The following EFCAB6 variants were observed in gnomAD, a reference collection of about 807,000 sequenced individuals.
EFCAB6 encodes the protein EF-hand calcium binding domain 6, also known as EF-hand calcium-binding domain-containing protein 6.
EFCAB6 carries 156 observed loss-of-function variants against 169.8 expected under a neutral mutation model. The ratio of observed to expected loss-of-function variants is 0.92; its 90% CI spans 0.81 to 1.05. EFCAB6 has a LOEUF of 1.05. EFCAB6 is among the 50% of genes least tolerant of loss of function. The pLI is 0.00. For synonymous variants in EFCAB6, 698 were observed against 676.4 expected, an observed-to-expected ratio of 1.03 and a Z score of -0.50; for missense variants, 1,800 against 1,829.1, an observed-to-expected ratio of 0.98 and a Z score of 0.29.
At chr22:43,538,232 C>T (rs1039853789) in intron 28 of EFCAB6, among the ~76,000 whole-genome samples, 1 of 152,148 alleles carries the variant, frequency 6.6e-6, no homozygotes. Context: ...TCTCCCTCAC[C>T]CTCTCCATCC....
chr22:43,725,099 A>G (rs2059675215), intron 8 of EFCAB6, among the ~76,000 whole-genome samples: 1 of 150,152 alleles, frequency 6.7e-6, no homozygotes, highest in East Asian at 2.0e-4. Flanking sequence ...AAAGCATCAC[A>G]GGGCAAGAGA....
intron 3 of EFCAB6, among the ~76,000 whole-genome samples, chr22:43,780,352 T>A (rs1009222931): frequency 2.0e-5 from 3 of 151,846 alleles, no homozygotes; most frequent in East Asian, 3.9e-4. Context: ...CCAGGTGTGG[T>A]GGTGCATGCC....
At chr22:43,733,225 A>G (rs2147639266) in intron 7 of EFCAB6, among the ~76,000 whole-genome samples, 1 of 152,332 alleles carries the variant, frequency 6.6e-6, no homozygotes, top group Non-Finnish European at 1.5e-5. Context: ...TTGAGAAACC[A>G]GAAGACCCAA....
chr22:43,692,459 G>A (rs990476143), intron 10 of EFCAB6, among the ~76,000 whole-genome samples: 1 of 152,018 alleles, frequency 6.6e-6, no homozygotes, highest in African/African-American at 2.4e-5. Context: ...TAAAAGCAAT[G>A]ATTACAACTA....
intron 8 of EFCAB6, among the ~76,000 whole-genome samples, chr22:43,721,665 T>C (rs1209470092): frequency 6.6e-6 from 1 of 152,110 alleles, no homozygotes; most frequent in Admixed American, 6.6e-5. Flanking sequence ...ATTAAATAAA[T>C]AGTATTGGGA....
chr22:43,739,897 G>T lies in EFCAB6; in HGVS notation c.508-3904C>A, dbSNP rs147812675. ...AGTTTATGTTTAAATGTGAGTCTGA[G>T]CATGCCCTCCGTGGCCAAAACCCCC... On this transcript the variant is annotated intron_variant, in intron 6 of 31. Coordinates refer to ENST00000262726, the MANE Select transcript of EFCAB6 (RefSeq NM_022785.4). 2.9e-3 allele frequency among the ~76,000 whole-genome samples: 436 copies of T among 152,132 alleles called. 2 individuals are homozygous for T. Among genetic ancestry groups the T allele is most frequent in the Non-Finnish European group, 4.8e-3 (328 of 68,012 alleles).
rs772813891 is a variant in EFCAB6, at chr22:43,765,384, T to C, written c.361A>G (p.Ser121Gly). The C allele has an allele frequency of 1.9e-6, 3 of 1,611,362 alleles. No individual in the cohort carries two copies. The South Asian group carries it at 3.3e-5, about 18-fold the overall frequency. The change falls in exon 5 of 32, where the codon AGC becomes GGC. Residue 121 changes from serine (S) to glycine (G), a missense_variant. Transcript: ENST00000262726. ...AGGTACGGTACAGTACCAGAGGTGC[T>C]AAGGGGGATCTACAGTCAAGGGAGA... ...FQDVLAQIPL[S>G]TSGTVPYLAF...
In EFCAB6 at chr22:43,683,840, A is replaced by G; in HGVS notation, c.1158T>C (p.Asn386=). 6.2e-7 allele frequency: 1 copy of G among 1,611,034 alleles called. No homozygotes were observed. Among genetic ancestry groups the G allele is most frequent in the Non-Finnish European group, 8.5e-7 (1 of 1,177,278 alleles). ...TGATGATGTTTTCCTTGTGAGATTCATTTCTAGAGTTGATGCTACAAGAGG... is the reference window on the plus strand; with the variant it reads ...TGATGATGTTTTCCTTGTGAGATTCGTTTCTAGAGTTGATGCTACAAGAGG... The part of the protein sequence containing the change: ...LTKRNSINSR[N]ESHKENIITK... Residue 386 remains asparagine (N), a synonymous_variant, in exon 12 of 32, where the codon AAT becomes AAC. Coordinates refer to ENST00000262726, the MANE Select transcript of EFCAB6 (RefSeq NM_022785.4).
In EFCAB6 at chr22:43,688,071, A is replaced by G. The variant is rs111716454; in HGVS notation, c.1032-490T>C. Among the ~76,000 whole-genome samples, 149 of 152,290 alleles carry G rather than the reference A, an allele frequency of 9.8e-4. 1 individual carries two copies. The highest frequency in any genetic ancestry group is 2.9e-3 in the African/African-American group (120 of 41,572). ...AAGTGGGCCCACTCTAATCCCATAC[A>G]TTCTTAAAATTGGAGAGCTTTTCCT... On this transcript the variant is annotated intron_variant, in intron 10 of 31. Coordinates refer to ENST00000262726, the MANE Select transcript of EFCAB6 (RefSeq NM_022785.4).
At chr22:43,725,431 G>A in intron 8 of EFCAB6, among the ~76,000 whole-genome samples, 1 of 152,142 alleles carries the variant, frequency 6.6e-6, no homozygotes, top group Non-Finnish European at 1.5e-5. Context: ...GTGACCCACT[G>A]CACCCGGCCC....
At position 43,744,080 on chromosome 22, in the gene EFCAB6, GATGA is replaced by G. The variant is rs532588079; in HGVS notation, c.508-8091_508-8088del. ...GCATGGATGGATGAACGGATGAATG[GATGA>G]ATGATGAATGAATGAATGAATGAAT... On this transcript the variant is annotated intron_variant, in intron 6 of 31. Coordinates refer to ENST00000262726, the MANE Select transcript of EFCAB6 (RefSeq NM_022785.4). This position sits in a 1 kb window ranked among gnomAD's most constrained non-coding sequence, Gnocchi z 4.3. 4.2e-4 allele frequency among the ~76,000 whole-genome samples: 62 copies of G among 146,804 alleles called. No individual in the cohort carries two copies. The highest frequency in any genetic ancestry group is 3.1e-3 in the South Asian group (13 of 4,210).
chr22:43,703,487 A>G (rs182375328), intron 10 of EFCAB6, among the ~76,000 whole-genome samples: 18 of 152,230 alleles, frequency 1.2e-4, no homozygotes, highest in Admixed American at 1.2e-3. Context: ...TAAACTAACA[A>G]AGCTCCAACA....
chr22:43,675,723 C>T, intron 13 of EFCAB6, among the ~76,000 whole-genome samples: 1 of 145,782 alleles, frequency 6.9e-6, no homozygotes, highest in East Asian at 2.0e-4. Flanking sequence ...AAGCAGGTAC[C>T]AAGATGTAAT....
rs144171212 is a variant in EFCAB6, at chr22:43,632,155, C to T, written c.2182G>A (p.Ala728Thr). Residue 728 changes from alanine (A) to threonine (T), a missense_variant, in exon 19 of 32, where the codon GCA becomes ACA. By Grantham distance (58) the Ala-to-Thr change is moderately conservative. Transcript: ENST00000262726. ...GGGAAAAGCTTCAGGCATTCTTCTG[C>T]GGTGATAAAGTGGCTGTTCACGTAA... ...KSYVNSHFIT[A>T]EECLKLFPRR... 1.7e-5 allele frequency: 27 copies of T among 1,614,160 alleles called. No homozygotes were observed. The highest frequency in any genetic ancestry group is 1.3e-4 in the Admixed American group (8 of 60,018).
intron 13 of EFCAB6, among the ~76,000 whole-genome samples, chr22:43,676,712 G>A (rs1043053857): frequency 6.6e-6 from 1 of 152,138 alleles, no homozygotes; most frequent in African/African-American, 2.4e-5. Context: ...ACCAAGAGGA[G>A]GTAATTTAAA....
intron 17 of EFCAB6, among the ~76,000 whole-genome samples, chr22:43,637,441 A>C (rs2055493591): frequency 6.6e-6 from 1 of 152,250 alleles, no homozygotes; most frequent in Non-Finnish European, 1.5e-5. Context: ...TGTAAATAAC[A>C]GACAGTCTGA....
intron 25 of EFCAB6, among the ~76,000 whole-genome samples, chr22:43,578,780 C>T (rs546235658): frequency 5.2e-4 from 79 of 151,394 alleles, no homozygotes; most frequent in Middle Eastern, 3.6e-3. Flanking sequence ...GCATCATACC[C>T]TACACGCAGG....
At chr22:43,546,768 G>A (rs911509698) in intron 27 of EFCAB6, among the ~76,000 whole-genome samples, 20 of 151,932 alleles carry the variant, frequency 1.3e-4, no homozygotes, top group Admixed American at 5.9e-4. Flanking sequence ...AGCTATTCGG[G>A]AGGCTGAGGC....
rs2062596977 is a variant in EFCAB6 at position 43,798,664 on chromosome 22, T to C, written c.-8+10331A>G. On this transcript the variant is annotated intron_variant, in intron 2 of 31. Coordinates refer to ENST00000262726, the MANE Select transcript of EFCAB6 (RefSeq NM_022785.4). ...CAAGGCAACTGACATCATCACTACG[T>C]CTCCAGACCCGAGGCCAGTGACTGG... Among the ~76,000 whole-genome samples the C allele has an allele frequency of 3.3e-5, 5 of 152,174 alleles. 1 individual carries two copies. The South Asian group carries it at 1.0e-3, about 32-fold the overall frequency.
Sources: allele counts gnomAD v4.1 joint callset (sites outside exome capture counted in the v4.1 genomes callset), GRCh38; gene constraint gnomAD v4.1.1; non-coding constraint Gnocchi (gnomAD v3.1); transcripts MANE v1.5; gene names NCBI Gene and HGNC (gene_info 2026-07-23, HGNC 2026-07-21).